PALLD: variants seen among roughly 807,000 people sequenced by gnomAD.
PALLD encodes the protein palladin, cytoskeletal associated protein, also known as palladin.
In PALLD, 61 loss-of-function variants were observed where a neutral mutation model predicts 123.5. The ratio of observed to expected loss-of-function variants is 0.49; its 90% CI spans 0.40 to 0.61. PALLD has a LOEUF of 0.61. Among genes scored for constraint, PALLD ranks in the 20% least tolerant of loss-of-function variants. The pLI is 0.00. For missense variants in PALLD, 1,273 were observed against 1,377.0 expected, an observed-to-expected ratio of 0.92 and a Z score of 1.20; for synonymous variants, 465 against 496.4, an observed-to-expected ratio of 0.94 and a Z score of 0.84.
At position 168,913,482 on chromosome 4, in the gene PALLD, T is replaced by C. The variant is rs74377254; in HGVS notation, c.2623-445T>C. Among the ~76,000 whole-genome samples the C allele has an allele frequency of 3.9e-3, 597 of 152,202 alleles. 2 individuals are homozygous for C. Among genetic ancestry groups the C allele is most frequent in the African/African-American group, 0.013 (539 of 41,528 alleles). On this transcript the variant is annotated intron_variant, in intron 15 of 21. Coordinates refer to ENST00000505667, the MANE Select transcript of PALLD (RefSeq NM_001166108.2). ...TATATTACTATAATTAGTATATTAC[T>C]AAAAAGAGAAAACTGAAATCATCTA...
intron 10 of PALLD, among the ~76,000 whole-genome samples, chr4:168,867,959 T>A (rs1750545672): frequency 6.6e-6 from 1 of 151,338 alleles, no homozygotes; most frequent in Non-Finnish European, 1.5e-5. Flanking sequence ...CTGAGGGTTA[T>A]CTGGATCCAG....
chr4:168,705,321 C>G (rs964320352), intron 8 of PALLD, among the ~76,000 whole-genome samples: 1 of 152,140 alleles, frequency 6.6e-6, no homozygotes, highest in Non-Finnish European at 1.5e-5. Flanking sequence ...ATATCTGCAG[C>G]TATAAAATAT....
intron 18 of PALLD, 57 bp from the exon 19 acceptor site, chr4:168,924,198 C>A: frequency 6.7e-7 from 1 of 1,493,660 alleles, no homozygotes; most frequent in South Asian, 1.1e-5. Context: ...CTTCTGAATT[C>A]TTTCTAGTGC....
Position 168,871,835 on chromosome 4 carries a change from T to A in PALLD, c.1965-19087T>A, listed in dbSNP as rs1560827766. ...CTGGCAAAGCCTGTCCCTTATCATA[T>A]GCAATTTATGTCAGGCTACAAATCC... is the stretch of plus-strand genomic sequence containing the variant. On this transcript the variant is annotated intron_variant, in intron 10 of 21. Coordinates refer to ENST00000505667, the MANE Select transcript of PALLD (RefSeq NM_001166108.2). Among the ~76,000 whole-genome samples the A allele has an allele frequency of 2.6e-5, 4 of 152,198 alleles. 1 individual carries two copies. The highest frequency in any genetic ancestry group is 2.6e-4 in the Admixed American group (4 of 15,280).
At chr4:168,843,959 A>G (rs1022907833) in intron 10 of PALLD, 4 of 152,240 alleles carry the variant, frequency 2.6e-5, no homozygotes, top group Admixed American at 6.5e-5. Flanking sequence ...GCTTTATAGC[A>G]TATCTACTAA....
chr4:168,831,002 T>C (rs1309780798), intron 10 of PALLD, among the ~76,000 whole-genome samples: 1 of 152,244 alleles, frequency 6.6e-6, no homozygotes, highest in African/African-American at 2.4e-5. Flanking sequence ...CATTCATTCA[T>C]GCATTCATTT....
At chr4:168,617,650 T>C (rs1351948418) in intron 2 of PALLD, among the ~76,000 whole-genome samples, 1 of 152,202 alleles carries the variant, frequency 6.6e-6, no homozygotes, top group Non-Finnish European at 1.5e-5. Flanking sequence ...CTTTTTCGTG[T>C]GCATTTCAGT....
chr4:168,522,365 G>A (rs577702537), intron 2 of PALLD, among the ~76,000 whole-genome samples: 12 of 152,292 alleles, frequency 7.9e-5, no homozygotes, highest in African/African-American at 2.9e-4. Context: ...CTCTCAAAAG[G>A]AAAAGGATGT....
intron 2 of PALLD, among the ~76,000 whole-genome samples, chr4:168,567,070 C>T (rs1768465461): frequency 6.6e-6 from 1 of 152,210 alleles, no homozygotes; most frequent in African/African-American, 2.4e-5. Flanking sequence ...AGTGAGTTGT[C>T]TCTGTAGCTC....
chr4:168,554,640 A>AT, intron 2 of PALLD, among the ~76,000 whole-genome samples: 1 of 152,272 alleles, frequency 6.6e-6, no homozygotes, highest in South Asian at 2.1e-4. Flanking sequence ...TACGCTCTTA[A>AT]TTTTTTTAAA....
chr4:168,587,404 G>A (rs904173860), intron 2 of PALLD, among the ~76,000 whole-genome samples: 1 of 152,156 alleles, frequency 6.6e-6, no homozygotes, highest in Non-Finnish European at 1.5e-5. Flanking sequence ...TGAAGAAAGG[G>A]AACTGTTTAT....
intron 6 of PALLD, among the ~76,000 whole-genome samples, chr4:168,689,432 CTTTTTTTTTTT>C (rs70961551): frequency 1.7e-3 from 84 of 49,854 alleles, no homozygotes; most frequent in African/African-American, 4.8e-3. Flanking sequence ...ATCCAATATT[CTTTTTTTTTTT>C]TTTTTTTTTT....
intron 2 of PALLD, among the ~76,000 whole-genome samples, chr4:168,575,530 G>A (rs1281603685): frequency 1.3e-5 from 2 of 152,112 alleles, no homozygotes; most frequent in Non-Finnish European, 1.5e-5. Context: ...TTTGGGTGGG[G>A]ACACAGAGCC....
At chr4:168,650,891 C>T (rs931538059) in intron 2 of PALLD, among the ~76,000 whole-genome samples, 22 of 152,000 alleles carry the variant, frequency 1.4e-4, no homozygotes, top group Non-Finnish European at 1.5e-5. Context: ...TTTCTTTCCT[C>T]CTTTATGTAA....
chr4:168,767,542 ATTTTTTTTT>A (rs5863956), intron 10 of PALLD, among the ~76,000 whole-genome samples: 1 of 125,694 alleles, frequency 8.0e-6, no homozygotes, highest in Non-Finnish European at 1.7e-5. Flanking sequence ...CCTGTCTCTG[ATTTTTTTTT>A]TTTTTTTTTT....
At chr4:168,756,290 C>A in intron 10 of PALLD, 1 of 207,912 alleles carries the variant, frequency 4.8e-6, no homozygotes, top group Non-Finnish European at 1.0e-5. Context: ...GCTGCTTTGA[C>A]TCAGCAAACC....
At chr4:168,706,600 C>A (rs896114258) in intron 8 of PALLD, among the ~76,000 whole-genome samples, 10 of 152,222 alleles carry the variant, frequency 6.6e-5, no homozygotes, top group African/African-American at 2.4e-4. Flanking sequence ...AAATCTCAAG[C>A]AGTCTGTTAA....
intron 2 of PALLD, among the ~76,000 whole-genome samples, chr4:168,585,754 G>A (rs944746304): frequency 1.1e-4 from 16 of 152,138 alleles, no homozygotes; most frequent in African/African-American, 3.9e-4. Flanking sequence ...AGCCCAGGGT[G>A]GAACCAAGCA....
intron 1 of PALLD, among the ~76,000 whole-genome samples, chr4:168,502,781 G>A (rs76159295): frequency 1.2e-3 from 185 of 152,232 alleles, no homozygotes; most frequent in African/African-American, 3.7e-3. Context: ...ATGCACACGC[G>A]TAGTTCTAGC....
Sources: gnomAD v4.1 joint callset for allele counts (sites outside exome capture counted in the v4.1 genomes callset) on GRCh38, gnomAD v4.1.1 for gene constraint, MANE v1.5 for transcripts, NCBI Gene and HGNC (gene_info 2026-07-23, HGNC 2026-07-21) for gene names.